Variants in SCAMP1 observed in about 807,000 individuals in gnomAD.
SCAMP1 encodes the protein secretory carrier-associated membrane protein 1.
A neutral mutation model predicts 41.8 loss-of-function variants in SCAMP1; 15 were observed. The ratio of observed to expected loss-of-function variants is 0.36; its 90% CI spans 0.24 to 0.55. The LOEUF (loss-of-function observed/expected upper bound fraction) is 0.55. Ranked by LOEUF, SCAMP1 falls within the 20% of genes least tolerant of loss-of-function variation. The pLI is 0.86. For missense variants in SCAMP1, 341 were observed against 412.6 expected (o/e 0.83, Z 1.50); for synonymous variants, 135 against 136.8 (o/e 0.99, Z 0.09).
chr5:78,460,569 TC>T (rs1166309181), intron 8 of SCAMP1, among the ~76,000 whole-genome samples: 5 of 142,266 alleles, frequency 3.5e-5, no homozygotes, highest in South Asian at 4.8e-4. Context: ...TCTGTTGATA[TC>T]CTTTGCCTAC....
chr5:78,441,283 C>T (rs974828903), intron 6 of SCAMP1, among the ~76,000 whole-genome samples: 2 of 152,144 alleles, frequency 1.3e-5, no homozygotes, highest in East Asian at 1.9e-4. Flanking sequence ...TCTTTTGTGT[C>T]GATCATGCTG....
In SCAMP1 at chr5:78,434,959, A is replaced by T. The variant is rs80184038; in HGVS notation, c.632+12999A>T. Among the ~76,000 whole-genome samples the T allele has an allele frequency of 2.0e-3, 306 of 152,304 alleles. 1 individual carries two copies. The highest frequency in any genetic ancestry group is 6.8e-3 in the African/African-American group (284 of 41,576). On this transcript the variant is annotated intron_variant, in intron 6 of 8. Coordinates refer to ENST00000621999, the MANE Select transcript of SCAMP1 (RefSeq NM_004866.6). ...TCTATTAGCTGGATATTTTGTACACATCTGATTTTTAAAAGGAAATATGGA... is the reference window on the plus strand; with the variant it reads ...TCTATTAGCTGGATATTTTGTACACTTCTGATTTTTAAAAGGAAATATGGA...
chr5:78,453,325 C>T (rs11959013), intron 7 of SCAMP1, among the ~76,000 whole-genome samples: 110,681 of 145,980 alleles, frequency 0.76, 42,608 homozygotes, highest in African/African-American at 0.84. Flanking sequence ...TTAGGTCTAA[C>T]GTTTAAGTCT....
intron 2 of SCAMP1, among the ~76,000 whole-genome samples, chr5:78,393,556 G>A (rs1158774328): frequency 2.6e-5 from 4 of 152,156 alleles, no homozygotes; most frequent in African/African-American, 9.7e-5. Context: ...TATAGACTAA[G>A]TCATTTTATT....
chr5:78,384,421 C>G (rs1447704710), intron 1 of SCAMP1, among the ~76,000 whole-genome samples: 2 of 152,104 alleles, frequency 1.3e-5, no homozygotes, highest in Non-Finnish European at 2.9e-5. Context: ...TTGACTTCCT[C>G]TTTACCAATT....
intron 1 of SCAMP1, among the ~76,000 whole-genome samples, chr5:78,368,777 G>A (rs1375892268): frequency 1.3e-5 from 2 of 152,106 alleles, no homozygotes; most frequent in South Asian, 2.1e-4. Context: ...AAGGGAAATA[G>A]GAGAGCTCCC....
At chr5:78,390,805 C>T (rs530704718) in intron 2 of SCAMP1, among the ~76,000 whole-genome samples, 2 of 150,734 alleles carry the variant, frequency 1.3e-5, no homozygotes, top group East Asian at 1.9e-4. Flanking sequence ...TGCGGCCTTC[C>T]GCAGTGTTTG....
intron 7 of SCAMP1, among the ~76,000 whole-genome samples, chr5:78,452,369 T>C (rs1025937804): frequency 1.6e-5 from 2 of 128,826 alleles, no homozygotes; most frequent in Non-Finnish European, 1.6e-5. Flanking sequence ...CCCCAGAGTG[T>C]GATATTCCCC....
intron 1 of SCAMP1, among the ~76,000 whole-genome samples, chr5:78,367,417 A>G (rs918459749): frequency 1.3e-5 from 2 of 152,068 alleles, no homozygotes; most frequent in Non-Finnish European, 2.9e-5. Context: ...ATGGTTTCAG[A>G]TATCCTTACT....
chr5:78,442,547 C>T (rs1272176449), intron 6 of SCAMP1, among the ~76,000 whole-genome samples: 1 of 152,164 alleles, frequency 6.6e-6, no homozygotes, highest in Non-Finnish European at 1.5e-5. Context: ...GTGTGAGCCA[C>T]CGCGCCCGGC....
intron 6 of SCAMP1, among the ~76,000 whole-genome samples, chr5:78,431,661 A>C (rs11746944): frequency 0.37 from 55,920 of 150,708 alleles, 12,469 homozygotes; most frequent in Non-Finnish European, 0.5. Flanking sequence ...TATGTCTCTA[A>C]TCATAGTCTC....
chr5:78,372,621 C>T (rs1360742099), intron 1 of SCAMP1, among the ~76,000 whole-genome samples: 1 of 152,056 alleles, frequency 6.6e-6, no homozygotes. Flanking sequence ...TTGTATGAAA[C>T]CTACATCACA....
At chr5:78,408,981 A>T (rs1327797258) in intron 2 of SCAMP1, among the ~76,000 whole-genome samples, 1 of 152,180 alleles carries the variant, frequency 6.6e-6, no homozygotes, top group Non-Finnish European at 1.5e-5. Flanking sequence ...AGGACAAGAC[A>T]TGGAGGTATT....
intron 5 of SCAMP1, among the ~76,000 whole-genome samples, chr5:78,419,377 T>C (rs1752285203): frequency 6.6e-6 from 1 of 152,212 alleles, no homozygotes; most frequent in African/African-American, 2.4e-5. Flanking sequence ...TACTTTTTGT[T>C]TTCAATTGCG....
chr5:78,370,811 TA>T (rs1484934386), intron 1 of SCAMP1: 1 of 152,192 alleles, frequency 6.6e-6, no homozygotes, highest in Non-Finnish European at 1.5e-5. Flanking sequence ...TATGGGTATG[TA>T]GATTTCTCTA....
intron 1 of SCAMP1, among the ~76,000 whole-genome samples, chr5:78,386,558 G>C (rs1751346801): frequency 6.6e-6 from 1 of 151,354 alleles, no homozygotes; most frequent in South Asian, 2.1e-4. Context: ...TATAGGGCCT[G>C]TGAGATTTAT....
intron 1 of SCAMP1, among the ~76,000 whole-genome samples, chr5:78,366,083 ATCT>A (rs1458850815): frequency 6.6e-6 from 1 of 151,242 alleles, no homozygotes; most frequent in Non-Finnish European, 1.5e-5. Flanking sequence ...CATTGATGGC[ATCT>A]TCTTTGTGTC....
intron 8 of SCAMP1, among the ~76,000 whole-genome samples, chr5:78,468,323 A>G (rs534901473): frequency 6.6e-6 from 1 of 152,322 alleles, no homozygotes; most frequent in Non-Finnish European, 1.5e-5. Flanking sequence ...GATTATTTCC[A>G]AATGGTGTTT....
At chr5:78,383,128 C>T (rs1439739316) in intron 1 of SCAMP1, among the ~76,000 whole-genome samples, 3 of 152,036 alleles carry the variant, frequency 2.0e-5, no homozygotes, top group African/African-American at 4.8e-5. Flanking sequence ...TTGATTATGG[C>T]TGTTTTTGCA....
Sources: gnomAD v4.1 joint callset for allele counts (sites outside exome capture counted in the v4.1 genomes callset) on GRCh38, gnomAD v4.1.1 for gene constraint, MANE v1.5 for transcripts, NCBI Gene and HGNC (gene_info 2026-07-23, HGNC 2026-07-21) for gene names.